PCDHA7: variants seen among roughly 807,000 people sequenced by gnomAD.
PCDHA7 encodes the protein protocadherin alpha 7.
PCDHA7 carries 37 observed loss-of-function variants against 57.2 expected under a neutral mutation model. The observed-to-expected ratio is 0.65, with a 90% CI of 0.50 to 0.85. PCDHA7 has a LOEUF of 0.85. Ranked by LOEUF, PCDHA7 falls within the 40% of genes least tolerant of loss-of-function variation. The pLI is 0.00. For missense variants in PCDHA7, 1,188 were observed against 1,241.8 expected (o/e 0.96, Z 0.65); for synonymous variants, 553 against 558.8 (o/e 0.99, Z 0.15).
chr5:140,941,214 C>CTTCTTTCTTT (rs1554214039), intron 1 of PCDHA7, among the ~76,000 whole-genome samples: 1 of 122,414 alleles, frequency 8.2e-6, no homozygotes, highest in Admixed American at 8.5e-5. Context: ...TTTCTTTCTT[C>CTTCTTTCTTT]CTTTCTTTCT....
Position 140,899,489 on chromosome 5 carries a change from A to G in PCDHA7, c.2355+62751A>G, listed in dbSNP as rs1445369123. 2.0e-5 allele frequency among the ~76,000 whole-genome samples: 3 copies of G among 152,246 alleles called. 1 individual carries two copies. Among genetic ancestry groups the G allele is most frequent in the Non-Finnish European group, 4.4e-5 (3 of 68,052 alleles). On this transcript the variant is annotated intron_variant, in intron 1 of 3. Coordinates refer to ENST00000525929, the MANE Select transcript of PCDHA7 (RefSeq NM_018910.3). ...TTTGGTTCTGTTTATATGCTGGATT[A>G]CATTTATTGATTTGCATATATTGCA...
At chr5:140,900,477 A>G (rs2068076560) in intron 1 of PCDHA7, among the ~76,000 whole-genome samples, 1 of 152,290 alleles carries the variant, frequency 6.6e-6, no homozygotes, top group Non-Finnish European at 1.5e-5. Flanking sequence ...GAGTTTCTCC[A>G]TGTTGGTCAG....
intron 1 of PCDHA7, among the ~76,000 whole-genome samples, chr5:140,949,801 C>T (rs964520875): frequency 6.6e-5 from 10 of 151,836 alleles, no homozygotes; most frequent in African/African-American, 2.4e-4. Context: ...TCCTTCAATA[C>T]ATTATTTGCT....
rs2150360936 is a variant in PCDHA7 at position 140,843,478 on chromosome 5, T to A, written c.2355+6740T>A. On this transcript the variant is annotated intron_variant, in intron 1 of 3. Coordinates refer to ENST00000525929, the MANE Select transcript of PCDHA7 (RefSeq NM_018910.3). ...TGGTGCTCACGCTGCTGCTGTACAC[T>A]GCGCTGCGGTGCTCAGCACTGCCCA... 2.1e-5 allele frequency: 33 copies of A among 1,595,746 alleles called. 1 individual carries two copies. Among genetic ancestry groups the A allele is most frequent in the Non-Finnish European group, 2.8e-5 (33 of 1,165,552 alleles).
intron 3 of PCDHA7, among the ~76,000 whole-genome samples, chr5:140,993,036 GTCA>G (rs1415732601): frequency 6.6e-6 from 1 of 152,182 alleles, no homozygotes; most frequent in Non-Finnish European, 1.5e-5. Flanking sequence ...GGCTCCGTGT[GTCA>G]TCAAGATGTC....
At chr5:141,006,606 C>T (rs782461917) in intron 3 of PCDHA7, among the ~76,000 whole-genome samples, 3 of 152,112 alleles carry the variant, frequency 2.0e-5, no homozygotes, top group Non-Finnish European at 4.4e-5. Flanking sequence ...TGGAAGCAGA[C>T]TGAATAAGGA....
At chr5:140,923,373 T>A (rs1354356076) in intron 1 of PCDHA7, among the ~76,000 whole-genome samples, 4 of 152,048 alleles carry the variant, frequency 2.6e-5, no homozygotes, top group South Asian at 2.1e-4. Flanking sequence ...AAAATATTTT[T>A]AAAAATTAGT....
At chr5:140,940,566 G>T (rs1226026261) in intron 1 of PCDHA7, among the ~76,000 whole-genome samples, 1 of 151,754 alleles carries the variant, frequency 6.6e-6, no homozygotes, top group African/African-American at 2.4e-5. Flanking sequence ...CTCCTACCTT[G>T]GCTCCCAAAG....
chr5:140,993,934 C>T (rs936977793), intron 3 of PCDHA7, among the ~76,000 whole-genome samples: 5 of 152,044 alleles, frequency 3.3e-5, no homozygotes, highest in African/African-American at 1.2e-4. Context: ...AGAACATATC[C>T]CCATTGTTAA....
At chr5:141,000,993 C>A (rs1273666357) in intron 3 of PCDHA7, among the ~76,000 whole-genome samples, 1 of 151,964 alleles carries the variant, frequency 6.6e-6, no homozygotes, top group Non-Finnish European at 1.5e-5. Context: ...AATAAATATG[C>A]TTTAAATATG....
At chr5:140,997,833 A>G (rs2097787444) in intron 3 of PCDHA7, among the ~76,000 whole-genome samples, 1 of 152,230 alleles carries the variant, frequency 6.6e-6, no homozygotes. Flanking sequence ...TCTAAACAAT[A>G]CAATATACAT....
At chr5:140,850,316 T>A (rs2150479207) in intron 1 of PCDHA7, 1 of 1,597,026 alleles carries the variant, frequency 6.3e-7, no homozygotes, top group African/African-American at 1.3e-5. Flanking sequence ...ACGCGTGGCT[T>A]TCATACGAGC....
At chr5:140,884,471 G>A (rs2060197778) in intron 1 of PCDHA7, 1 of 1,613,802 alleles carries the variant, frequency 6.2e-7, no homozygotes, top group Non-Finnish European at 8.5e-7. Flanking sequence ...GTGCGCGCCG[G>A]GCAAGCCCAC....
chr5:140,898,464 T>C (rs2066757130), intron 1 of PCDHA7, among the ~76,000 whole-genome samples: 1 of 152,198 alleles, frequency 6.6e-6, no homozygotes, highest in Admixed American at 6.5e-5. Flanking sequence ...CCCCATTGCT[T>C]GTTTTTCTCA....
chr5:140,967,023 G>A, intron 1 of PCDHA7: 1 of 1,608,160 alleles, frequency 6.2e-7, no homozygotes, highest in South Asian at 1.1e-5. Context: ...GGTGCGCCCA[G>A]TCCGCGCTAC....
rs182448614 is a variant in PCDHA7, at chr5:140,856,533, G to T, written c.2355+19795G>T. The T allele has an allele frequency of 3.4e-4, 545 of 1,598,390 alleles. 56 individuals carry two copies. The highest frequency in any genetic ancestry group is 4.4e-4 in the Non-Finnish European group (516 of 1,167,858). On this transcript the variant is annotated intron_variant, in intron 1 of 3. Transcript: ENST00000525929. ...GAAGGCGCATCTGATGCGGATGTTG[G>T]AGAGAACGCATTGCTTACTTACAAA... is the stretch of plus-strand genomic sequence containing the variant.
chr5:140,858,149 G>C, intron 1 of PCDHA7: 1 of 1,597,572 alleles, frequency 6.3e-7, no homozygotes, highest in Non-Finnish European at 8.6e-7. Context: ...CCTGATCATC[G>C]CCATCTGCGC....
intron 1 of PCDHA7, chr5:140,927,797 C>T (rs1554205063): frequency 6.2e-7 from 1 of 1,614,196 alleles, no homozygotes; most frequent in Non-Finnish European, 8.5e-7. Context: ...CTAGGTCCGC[C>T]TGAAACGCTC....
intron 3 of PCDHA7, among the ~76,000 whole-genome samples, chr5:140,985,438 C>T (rs1438547429): frequency 2.0e-5 from 3 of 152,038 alleles, no homozygotes; most frequent in Non-Finnish European, 2.9e-5. Flanking sequence ...TTAGTTGCTG[C>T]CTGAAGAAAA....
Sources: gnomAD v4.1 joint callset for allele counts (sites outside exome capture counted in the v4.1 genomes callset) on GRCh38, gnomAD v4.1.1 for gene constraint, MANE v1.5 for transcripts, NCBI Gene and HGNC (gene_info 2026-07-23, HGNC 2026-07-21) for gene names.